Variants in CXCL13 observed in about 807,000 individuals in gnomAD.
CXCL13 encodes C-X-C motif chemokine 13.
A neutral mutation model predicts 12.2 loss-of-function variants in CXCL13; 7 were observed. The ratio of observed to expected loss-of-function variants is 0.57; its 90% confidence interval spans 0.33 to 1.07. The LOEUF is 1.07. Ranked by LOEUF, CXCL13 falls within the 50% of genes least tolerant of loss-of-function variation. The pLI is 0.04. For synonymous variants in CXCL13, 47 were observed against 42.4 expected, an observed-to-expected ratio of 1.11 and a Z score of -0.42; for missense variants, 113 against 127.4, an observed-to-expected ratio of 0.89 and a Z score of 0.55.
chr4:77,557,151 T>C (rs1725678370), intron 1 of CXCL13, among the ~76,000 whole-genome samples: 1 of 152,230 alleles, frequency 6.6e-6, no homozygotes, highest in African/African-American at 2.4e-5. Flanking sequence ...CAGTTTCAAA[T>C]GTTGTTGATT....
chr4:77,604,356 T>C (rs1303380792), upstream of CXCL13, among the ~76,000 whole-genome samples: 1 of 152,176 alleles, frequency 6.6e-6, no homozygotes, highest in African/African-American at 2.4e-5. Context: ...TCCTTCTGTC[T>C]ATCGCAGGAG....
intron 1 of CXCL13, among the ~76,000 whole-genome samples, chr4:77,587,715 C>T (rs1726507554): frequency 6.6e-6 from 1 of 152,308 alleles, no homozygotes; most frequent in Admixed American, 6.5e-5. Flanking sequence ...GGCCATGAAA[C>T]TAGTAAGAGG....
At chr4:77,562,654 G>A (rs1350899908) in intron 1 of CXCL13, among the ~76,000 whole-genome samples, 1 of 142,566 alleles carries the variant, frequency 7.0e-6, no homozygotes, top group African/African-American at 3.1e-5. Flanking sequence ...TAATCTGGTG[G>A]GGACTTGGAG....
At chr4:77,559,946 C>T (rs1022734793) in intron 1 of CXCL13, among the ~76,000 whole-genome samples, 4 of 147,562 alleles carry the variant, frequency 2.7e-5, no homozygotes, top group Admixed American at 2.0e-4. Flanking sequence ...AAAAACCTGA[C>T]GCTCAATGTG....
intron 1 of CXCL13, among the ~76,000 whole-genome samples, chr4:77,519,068 G>A (rs777443000): frequency 6.6e-6 from 1 of 152,316 alleles, no homozygotes; most frequent in African/African-American, 2.4e-5. Flanking sequence ...TCCAGATCCT[G>A]TTTGCCTGGG....
intron 1 of CXCL13, among the ~76,000 whole-genome samples, chr4:77,570,604 G>A (rs375382491): frequency 2.0e-5 from 3 of 152,328 alleles, no homozygotes; most frequent in South Asian, 2.1e-4. Flanking sequence ...CACCGTGGGA[G>A]CCCCTTTCTG....
intron 1 of CXCL13, among the ~76,000 whole-genome samples, chr4:77,566,636 T>A (rs931667466): frequency 1.3e-5 from 2 of 152,210 alleles, no homozygotes; most frequent in Admixed American, 1.3e-4. Flanking sequence ...AATTTGTAGC[T>A]TTTGTTTCTC....
intron 1 of CXCL13, among the ~76,000 whole-genome samples, chr4:77,574,957 T>A (rs1726169858): frequency 1.3e-5 from 2 of 151,964 alleles, no homozygotes; most frequent in Admixed American, 6.5e-5. Context: ...TGTAAATATT[T>A]ACCTAGGGCT....
chr4:77,550,283 C>A (rs1404978488), intron 1 of CXCL13, among the ~76,000 whole-genome samples: 1 of 152,198 alleles, frequency 6.6e-6, no homozygotes, highest in Non-Finnish European at 1.5e-5. Context: ...AATTCCCCAA[C>A]CCCTTTTGCT....
intron 1 of CXCL13, 56 bp downstream of exon 1, chr4:77,605,985 CT>C: frequency 7.9e-7 from 1 of 1,260,904 alleles, no homozygotes; most frequent in Non-Finnish European, 1.1e-6. Flanking sequence ...TCTTTAACCA[CT>C]TCAATTTTCT....
intron 1 of CXCL13, among the ~76,000 whole-genome samples, chr4:77,520,615 G>A (rs1017973937): frequency 2.0e-5 from 3 of 152,180 alleles, no homozygotes; most frequent in Admixed American, 1.3e-4. Flanking sequence ...GAGATTTTGG[G>A]CTGAGACAAT....
intron 1 of CXCL13, among the ~76,000 whole-genome samples, chr4:77,562,668 C>G (rs531555391): frequency 7.2e-6 from 1 of 139,210 alleles, no homozygotes; most frequent in African/African-American, 3.4e-5. Context: ...CTTGGAGAAC[C>G]TTTATGTCTA....
intron 1 of CXCL13, among the ~76,000 whole-genome samples, chr4:77,565,253 C>T (rs561587863): frequency 2.0e-5 from 3 of 152,290 alleles, no homozygotes; most frequent in African/African-American, 7.2e-5. Context: ...AAAACCATTG[C>T]TCTGGGCAGT....
intron 1 of CXCL13, among the ~76,000 whole-genome samples, chr4:77,516,299 G>C (rs1175005014): frequency 6.6e-6 from 1 of 152,138 alleles, no homozygotes; most frequent in Non-Finnish European, 1.5e-5. Context: ...CCCGGCTTTG[G>C]TGTCAGGATG....
intron 1 of CXCL13, among the ~76,000 whole-genome samples, chr4:77,527,170 G>A (rs1410000609): frequency 1.3e-5 from 2 of 152,078 alleles, no homozygotes; most frequent in African/African-American, 4.8e-5. Context: ...CATTCGGAAA[G>A]TTCAAAATAA....
chr4:77,562,340 G>T (rs906269056), intron 1 of CXCL13, among the ~76,000 whole-genome samples: 3 of 152,022 alleles, frequency 2.0e-5, no homozygotes, highest in African/African-American at 7.2e-5. Context: ...ACAAGGCACG[G>T]GATTGGCAGG....
intron 1 of CXCL13, among the ~76,000 whole-genome samples, chr4:77,540,564 C>T (rs1725173769): frequency 6.6e-6 from 1 of 152,020 alleles, no homozygotes; most frequent in Non-Finnish European, 1.5e-5. Context: ...GGATAATGGC[C>T]TCCAGCTCTA....
At chr4:77,530,157 G>A (rs1035427247) in intron 1 of CXCL13, among the ~76,000 whole-genome samples, 2 of 152,182 alleles carry the variant, frequency 1.3e-5, no homozygotes, top group Admixed American at 6.5e-5. Context: ...GCTTCTTGAT[G>A]TGCTTCTGGA....
chr4:77,555,533 A>T (rs948452385), intron 1 of CXCL13, among the ~76,000 whole-genome samples: 22 of 152,130 alleles, frequency 1.4e-4, no homozygotes, highest in African/African-American at 5.1e-4. Context: ...AATAGAATAG[A>T]GACCTAAATG....
Sources: gnomAD v4.1 joint callset for allele counts (sites outside exome capture counted in the v4.1 genomes callset) on GRCh38, gnomAD v4.1.1 for gene constraint, MANE v1.5 for transcripts, NCBI Gene and HGNC (gene_info 2026-07-23, HGNC 2026-07-21) for gene names.